The following TGM7 variants were observed in gnomAD, a reference collection of about 807,000 sequenced individuals.
TGM7 encodes protein-glutamine gamma-glutamyltransferase Z.
TGM7 carries 74 observed loss-of-function variants against 79.5 expected under a neutral mutation model. The observed-to-expected ratio is 0.93, with a 90% CI of 0.77 to 1.13. The LOEUF (loss-of-function observed/expected upper bound fraction) is 1.13, where lower values mean the gene tolerates loss of function less well. TGM7 is among the 50% of genes most tolerant of loss of function. TGM7 has a pLI of 0.00. For missense variants in TGM7, 912 were observed against 905.9 expected, an observed-to-expected ratio of 1.01 and a Z score of -0.09; for synonymous variants, 354 against 362.5, an observed-to-expected ratio of 0.98 and a Z score of 0.27.
At chr15:43,286,083 C>A (rs2142409042) in intron 6 of TGM7, among the ~76,000 whole-genome samples, 1 of 152,326 alleles carries the variant, frequency 6.6e-6, no homozygotes, top group African/African-American at 2.4e-5. Context: ...AGCGACCAAT[C>A]CTTTTGTTTT....
chr15:43,301,850 G>A (rs1436810678), intron 1 of TGM7, among the ~76,000 whole-genome samples: 1 of 151,994 alleles, frequency 6.6e-6, no homozygotes, highest in Non-Finnish European at 1.5e-5. Context: ...GGGAGAAGCT[G>A]GACAAGGGAG....
intron 3 of TGM7, 33 bp downstream of exon 3, chr15:43,292,676 A>C: frequency 6.2e-7 from 1 of 1,608,730 alleles, no homozygotes; most frequent in Non-Finnish European, 8.5e-7. Flanking sequence ...CCAATGGATC[A>C]GGTTAGCAAT....
chr15:43,279,473 A>T (rs1388070931), intron 10 of TGM7, 152 bp downstream of exon 10: 1 of 1,184,054 alleles, frequency 8.4e-7, no homozygotes, highest in African/African-American at 1.5e-5. Context: ...GGGTGGCATC[A>T]GAGGTGCAGC....
Position 43,295,678 on chromosome 15 carries a change from T to C in TGM7, c.11-2047A>G, listed in dbSNP as rs79909274. 4.9e-3 allele frequency among the ~76,000 whole-genome samples: 751 copies of C among 152,360 alleles called. 7 individuals are homozygous for C. The highest frequency in any genetic ancestry group is 0.018 in the African/African-American group (736 of 41,592). Reference sequence around the variant, plus strand: ...AATCTTTGAATAAAGCTGAAGTCAATGTTAATTTCCTTCACAATCTAAAAT... The same window carrying C: ...AATCTTTGAATAAAGCTGAAGTCAACGTTAATTTCCTTCACAATCTAAAAT... On this transcript the variant is annotated intron_variant, in intron 1 of 12. Transcript: ENST00000452443.
chr15:43,292,983 AG>A lies in TGM7; in HGVS notation c.194-30del, dbSNP rs1366145316. ...TGTAGGAGAGAATGACCCCACAGTG[AG>A]GCTCAAAAAACCTGTATGGTATATG... On this transcript the variant is annotated intron_variant, in intron 2 of 12. Transcript: ENST00000452443. The A allele has an allele frequency of 2.5e-6, 4 of 1,608,586 alleles. No individual in the cohort carries two copies. In the African/African-American group the frequency reaches 5.4e-5, roughly 22 times the overall value.
Position 43,276,340 on chromosome 15 carries a change from T to C in TGM7, c.*115A>G. The stretch of plus-strand genomic sequence containing the variant: ...ACACGGTGTTTCTAACAGAGCTTCA[T>C]TCATTCCCAGGCAGGCTAGAGAGAG... On this transcript the variant is annotated 3_prime_UTR_variant, in exon 13 of 13. Transcript: ENST00000452443. 2.4e-6 allele frequency: 3 copies of C among 1,246,314 alleles called. No homozygotes were observed. Among genetic ancestry groups the C allele is most frequent in the Admixed American group, 2.3e-5 (1 of 43,140 alleles). 77.2% of individuals were successfully genotyped at this position (1,246,314 alleles called of 1,614,324 possible). A position where few individuals can be genotyped will look rare whatever the true frequency, so the allele number is the denominator to read the frequency against.
intron 1 of TGM7, among the ~76,000 whole-genome samples, chr15:43,297,629 G>GAAAGAAAGAA (rs1566847994): frequency 6.8e-6 from 1 of 147,876 alleles, no homozygotes; most frequent in East Asian, 2.0e-4. Flanking sequence ...AAGAAAGAAA[G>GAAAGAAAGAA]AAAGAAAAAG....
chr15:43,285,456 G>T (rs1427916387), intron 6 of TGM7, among the ~76,000 whole-genome samples: 1 of 152,130 alleles, frequency 6.6e-6, no homozygotes, highest in African/African-American at 2.4e-5. Context: ...GTTCCGAAAT[G>T]TTTTTTAACT....
intron 1 of TGM7, among the ~76,000 whole-genome samples, chr15:43,297,517 A>G (rs1335872366): frequency 3.6e-5 from 5 of 137,456 alleles, no homozygotes; most frequent in Non-Finnish European, 6.1e-5. Flanking sequence ...GAAGGAAGGA[A>G]GGAAGGAAAG....
chr15:43,297,237 C>CTT (rs1413039822), intron 1 of TGM7, among the ~76,000 whole-genome samples: 4 of 152,038 alleles, frequency 2.6e-5, no homozygotes, highest in Admixed American at 1.3e-4. Flanking sequence ...GGGTGGATCA[C>CTT]GAGCTCAGGA....
chr15:43,276,840 G>A lies in TGM7; in HGVS notation c.1973+22C>T, dbSNP rs749904701. 12 of 1,611,678 alleles carry A rather than the reference G, an allele frequency of 7.4e-6. No individual in the cohort carries two copies. In the South Asian group the frequency reaches 1.3e-4, roughly 18 times the overall value. The stretch of plus-strand genomic sequence containing the variant: ...CCTTTCCTGAGACCAGCAAGGGGGA[G>A]GTGGGCAGAAGCGTCACTTACTCCT... On this transcript the variant is annotated intron_variant, in intron 12 of 12. Transcript: ENST00000452443.
In TGM7 at chr15:43,279,819, T is replaced by C. The variant is rs148096856; in HGVS notation, c.1484A>G (p.His495Arg). 9 of 1,614,130 alleles carry C rather than the reference T, an allele frequency of 5.6e-6. No individual in the cohort carries two copies. Among genetic ancestry groups the C allele is most frequent in the South Asian group, 1.1e-5 (1 of 91,074 alleles). ...LRDQPAQLQL[H>R]LARIPEWGQD... ...GCCCCACTCGGGTATCCTGGCCAGG[T>C]GAAGCTGCAGCTGCGCTGGCTGATC... The change falls in exon 10 of 13, where the codon CAC becomes CGC. Residue 495 changes from histidine (H) to arginine (R), a missense_variant. His to Arg is a conservative substitution (Grantham distance 29, BLOSUM62 0). Coordinates refer to ENST00000452443, the MANE Select transcript of TGM7 (RefSeq NM_052955.3).
Position 43,287,304 on chromosome 15 carries a change from C to T in TGM7, c.841G>A (p.Val281Ile). The T allele has an allele frequency of 6.2e-7, 1 of 1,613,704 alleles. No individual in the cohort carries two copies. The highest frequency in any genetic ancestry group is 1.1e-5 in the South Asian group (1 of 91,048). Residue 281 changes from valine to isoleucine, a missense_variant, in exon 6 of 13, where the codon GTC becomes ATC. Val to Ile is a conservative substitution (Grantham distance 29). Transcript: ENST00000452443. Reference protein sequence around the residue: ...GQPVKYGQCWVFASVMCTVMR... With the variant: ...GQPVKYGQCWIFASVMCTVMR... ...CCGGTGCACATAACAGAGGCGAAGA[C>T]CCAGCACTGTCCGTACTTCACAGGC...
At position 43,292,766 on chromosome 15, in the gene TGM7, G is replaced by C; in HGVS notation, c.382C>G (p.His128Asp). 1 of 1,614,154 alleles carries C rather than the reference G, an allele frequency of 6.2e-7. No homozygotes were observed. The highest frequency in any genetic ancestry group is 8.5e-7 in the Non-Finnish European group (1 of 1,180,034). The change falls in exon 3 of 13, where the codon CAC (histidine) becomes GAC (aspartate). Residue 128 changes from histidine to aspartate, a missense_variant. Physicochemically the swap from His to Asp is moderately conservative, Grantham distance 81. Transcript: ENST00000452443. Reference sequence around the variant, plus strand: ...GTTCCCAGCGGGTAAGTCACACTGTGACCTTGGCCCTGAGAGATCTCTATT... The same window carrying C: ...GTTCCCAGCGGGTAAGTCACACTGTCACCTTGGCCCTGAGAGATCTCTATT... ...LKIEISQGQG[H>D]SVTYPLGTFI... is the part of the protein sequence containing the mutation.
intron 9 of TGM7, among the ~76,000 whole-genome samples, chr15:43,280,783 T>C (rs1274094512): frequency 6.6e-6 from 1 of 152,152 alleles, no homozygotes; most frequent in East Asian, 1.9e-4. Context: ...AAGGGATGAA[T>C]GTAGAAATGG....
At chr15:43,288,423 G>A (rs948711755) in intron 4 of TGM7, among the ~76,000 whole-genome samples, 3 of 152,070 alleles carry the variant, frequency 2.0e-5, no homozygotes, top group Admixed American at 6.6e-5. Context: ...GGTTGAGAGT[G>A]GAAACGTTGC....
chr15:43,292,188 GA>G, intron 3 of TGM7, 91 bp from the exon 4 acceptor site: 1 of 857,376 alleles, frequency 1.2e-6, no homozygotes, highest in Admixed American at 1.9e-5. Context: ...CGTGTTTCTG[GA>G]AAACAGGAGG....
intron 4 of TGM7, among the ~76,000 whole-genome samples, chr15:43,291,411 A>G (rs1009828132): frequency 1.3e-5 from 2 of 152,262 alleles, no homozygotes; most frequent in South Asian, 2.1e-4. Flanking sequence ...TAATAACTCA[A>G]TTCTGCCAAT....
Position 43,279,224 on chromosome 15 carries a change from C to G in TGM7, c.1732G>C (p.Asp578His). 4 of 1,614,132 alleles carry G rather than the reference C, an allele frequency of 2.5e-6. No homozygotes were observed. The highest frequency in any genetic ancestry group is 1.7e-4 in the Middle Eastern group (1 of 6,046). The change falls in exon 11 of 13, where the codon GAC becomes CAC. Residue 578 changes from aspartate to histidine, a missense_variant. Transcript: ENST00000452443. ...CCAGACACGCGGATGAGCTTTTCGTCCGTTAGCTTGTTTCTGTAATTGCTG... is the reference window on the plus strand; with the variant it reads ...CCAGACACGCGGATGAGCTTTTCGTGCGTTAGCTTGTTTCTGTAATTGCTG... The part of the protein sequence containing the change: ...PYSNYRNKLT[D>H]EKLIRVSGIA...
Sources: gnomAD v4.1 joint callset for allele counts (sites outside exome capture counted in the v4.1 genomes callset) on GRCh38, gnomAD v4.1.1 for gene constraint, MANE v1.5 for transcripts, NCBI Gene and HGNC (gene_info 2026-07-23, HGNC 2026-07-21) for gene names.